The following LRRC40 variants were observed in gnomAD, a reference collection of about 807,000 sequenced individuals.
LRRC40 encodes the protein leucine-rich repeat-containing protein 40.
LRRC40 carries 76 observed loss-of-function variants against 72.8 expected under a neutral mutation model. That is an observed-to-expected ratio of 1.04 (90% CI 0.87 to 1.26). The LOEUF (loss-of-function observed/expected upper bound fraction) is 1.26, where lower values mean the gene tolerates loss of function less well. Ranked by LOEUF, LRRC40 falls within the 50% of genes most tolerant of loss-of-function variation. The pLI, the probability that LRRC40 is intolerant of heterozygous loss-of-function variation, is 0.00. For missense variants in LRRC40, 684 were observed against 698.9 expected (o/e 0.98, Z 0.24); for synonymous variants, 243 against 254.2 (o/e 0.96, Z 0.42).
intron 9 of LRRC40, among the ~76,000 whole-genome samples, chr1:70,164,519 G>A (rs12566666): frequency 0.092 from 14,050 of 152,180 alleles, 819 homozygotes; most frequent in East Asian, 0.3. Flanking sequence ...CAAAATTGTA[G>A]AGGGGAAACC....
At chr1:70,166,573 C>G (rs1167331353) in intron 9 of LRRC40, among the ~76,000 whole-genome samples, 1 of 151,962 alleles carries the variant, frequency 6.6e-6, no homozygotes, top group African/African-American at 2.4e-5. Context: ...ACAAGGATTG[C>G]TTGAGCCCAG....
intron 1 of LRRC40, among the ~76,000 whole-genome samples, chr1:70,192,727 T>C (rs897023897): frequency 1.3e-5 from 2 of 152,042 alleles, no homozygotes; most frequent in Admixed American, 1.3e-4. Context: ...AACAAAATAC[T>C]GTATGTTCTC....
At chr1:70,181,893 C>T (rs973103726) in intron 4 of LRRC40, among the ~76,000 whole-genome samples, 4 of 151,790 alleles carry the variant, frequency 2.6e-5, no homozygotes, top group Admixed American at 1.3e-4. Context: ...CTTTAAAAGA[C>T]GTTGTTATGA....
intron 10 of LRRC40, among the ~76,000 whole-genome samples, chr1:70,156,239 T>A (rs970097803): frequency 4.6e-5 from 7 of 152,118 alleles, no homozygotes; most frequent in South Asian, 2.1e-4. Context: ...ATAACTTTTT[T>A]AAAAAGTTCA....
At chr1:70,186,143 G>GA (rs1668354578) in intron 3 of LRRC40, among the ~76,000 whole-genome samples, 1 of 152,134 alleles carries the variant, frequency 6.6e-6, no homozygotes, top group African/African-American at 2.4e-5. Context: ...TCTAACTGGG[G>GA]AGAGAGATAA....
chr1:70,192,642 G>A (rs1668526916), intron 1 of LRRC40, among the ~76,000 whole-genome samples: 1 of 152,084 alleles, frequency 6.6e-6, no homozygotes, highest in African/African-American at 2.4e-5. Flanking sequence ...CCATGAAAAA[G>A]AACAAGATCA....
intron 1 of LRRC40, among the ~76,000 whole-genome samples, chr1:70,196,407 A>G (rs561832534): frequency 6.6e-6 from 1 of 152,282 alleles, no homozygotes; most frequent in East Asian, 1.9e-4. Context: ...AAAATTAGCC[A>G]GGCATGGTGG....
chr1:70,182,962 C>G (rs911430343), intron 4 of LRRC40, among the ~76,000 whole-genome samples: 13 of 152,160 alleles, frequency 8.5e-5, no homozygotes, highest in Admixed American at 6.5e-4. Flanking sequence ...GCTCTCAACT[C>G]CAAATGGACT....
At chr1:70,149,968 T>C (rs1038929379) in intron 13 of LRRC40, among the ~76,000 whole-genome samples, 1 of 152,172 alleles carries the variant, frequency 6.6e-6, no homozygotes, top group Non-Finnish European at 1.5e-5. Flanking sequence ...TCGCCTAGGC[T>C]GGAGTGCAGT....
At chr1:70,199,600 T>G (rs1165647351) in intron 1 of LRRC40, among the ~76,000 whole-genome samples, 1 of 152,202 alleles carries the variant, frequency 6.6e-6, no homozygotes, top group African/African-American at 2.4e-5. Flanking sequence ...TCCACTCCAC[T>G]TGATGAATAG....
At chr1:70,181,272 TA>T in intron 4 of LRRC40, 63 bp from the exon 5 acceptor site, 4 of 1,054,280 alleles carry the variant, frequency 3.8e-6, no homozygotes, top group Non-Finnish European at 5.3e-6. Flanking sequence ...AATAATGCCC[TA>T]AAAAGGATTT....
chr1:70,155,680 A>C lies in LRRC40; in HGVS notation c.1328+9T>G. The C allele has an allele frequency of 7.4e-7, 1 of 1,359,090 alleles. No homozygotes were observed. Among genetic ancestry groups the C allele is most frequent in the Non-Finnish European group, 1.0e-6 (1 of 988,548 alleles). 84.2% of individuals were successfully genotyped at this position (1,359,090 alleles called of 1,614,324 possible). ...TCACAACCTATAGACATGGCATCAT[A>C]GTTCTTACCTTTTTGGAATTTCACA... On this transcript the variant is annotated intron_variant, in intron 11 of 14. Transcript: ENST00000370952.
At chr1:70,205,328 G>C (rs1403306686) in intron 1 of LRRC40, 62 bp downstream of exon 1, 1 of 1,446,770 alleles carries the variant, frequency 6.9e-7, no homozygotes, top group African/African-American at 1.4e-5. Context: ...AGAAAAGGGA[G>C]GTTGCCTGGG....
At chr1:70,204,901 C>A (rs746984284) in intron 1 of LRRC40, among the ~76,000 whole-genome samples, 2 of 152,148 alleles carry the variant, frequency 1.3e-5, no homozygotes, top group Non-Finnish European at 2.9e-5. Context: ...AAAATATACT[C>A]ATTATTCCTT....
chr1:70,190,730 C>T (rs1322994237), intron 1 of LRRC40, among the ~76,000 whole-genome samples: 1 of 120,830 alleles, frequency 8.3e-6, no homozygotes, highest in African/African-American at 3.8e-5. Context: ...ACTGAGCTAT[C>T]TACATTCATA....
chr1:70,197,307 A>G (rs1276514543), intron 1 of LRRC40, among the ~76,000 whole-genome samples: 1 of 151,358 alleles, frequency 6.6e-6, no homozygotes, highest in African/African-American at 2.4e-5. Flanking sequence ...TTTTTTTTTG[A>G]GAGCCTGTCA....
intron 1 of LRRC40, among the ~76,000 whole-genome samples, chr1:70,193,661 A>G (rs1221427908): frequency 6.6e-6 from 1 of 152,086 alleles, no homozygotes; most frequent in Admixed American, 6.5e-5. Context: ...AAAAGAGAAA[A>G]TAAAACAAAA....
At chr1:70,200,554 A>G (rs1296102437) in intron 1 of LRRC40, among the ~76,000 whole-genome samples, 1 of 152,170 alleles carries the variant, frequency 6.6e-6, no homozygotes, top group African/African-American at 2.4e-5. Context: ...ATAACATGAA[A>G]ATTTAAATTA....
At chr1:70,178,178 C>T (rs1668151555) in intron 6 of LRRC40, among the ~76,000 whole-genome samples, 1 of 152,070 alleles carries the variant, frequency 6.6e-6, no homozygotes, top group Admixed American at 6.6e-5. Context: ...GGGGTCAATG[C>T]CTATAACCTT....
Sources: gnomAD v4.1 joint callset for allele counts (sites outside exome capture counted in the v4.1 genomes callset) on GRCh38, gnomAD v4.1.1 for gene constraint, MANE v1.5 for transcripts, NCBI Gene and HGNC (gene_info 2026-07-23, HGNC 2026-07-21) for gene names.